RNLS: variants seen among roughly 807,000 people sequenced by gnomAD.
RNLS encodes renalase.
Under a neutral mutation model 39.8 loss-of-function variants are expected in RNLS, and 39 were observed. The ratio of observed to expected loss-of-function variants is 0.98; its 90% confidence interval spans 0.76 to 1.28. The LOEUF (loss-of-function observed/expected upper bound fraction) is 1.28. Ranked by LOEUF, RNLS falls within the 50% of genes most tolerant of loss-of-function variation. RNLS has a pLI of 0.00. For synonymous variants in RNLS, 147 were observed against 150.7 expected (o/e 0.98, Z 0.18); for missense variants, 410 against 413.3 (o/e 0.99, Z 0.07).
At chr10:88,405,085 A>G (rs1853175033) in intron 4 of RNLS, among the ~76,000 whole-genome samples, 6 of 152,032 alleles carry the variant, frequency 3.9e-5, no homozygotes, top group Admixed American at 2.6e-4. Context: ...TTCTCTGGGG[A>G]TCTTTAAGCA....
intron 4 of RNLS, among the ~76,000 whole-genome samples, chr10:88,406,821 A>C (rs993570146): frequency 4.6e-5 from 7 of 152,084 alleles, no homozygotes; most frequent in African/African-American, 1.7e-4. Context: ...CCATCAATCA[A>C]CAAGTGGATA....
At chr10:88,351,937 T>C (rs1848749010) in intron 5 of RNLS, among the ~76,000 whole-genome samples, 1 of 152,204 alleles carries the variant, frequency 6.6e-6, no homozygotes, top group African/African-American at 2.4e-5. Context: ...GTAAGTTGGC[T>C]TCCTAGTATT....
At chr10:88,330,484 A>G (rs1217026766) in intron 5 of RNLS, among the ~76,000 whole-genome samples, 1 of 152,150 alleles carries the variant, frequency 6.6e-6, no homozygotes. Flanking sequence ...GGTTTATAGC[A>G]TATCTTATAA....
rs558597738 is a variant in RNLS at position 88,439,444 on chromosome 10, T to C, written c.527-76719A>G. 2.6e-5 allele frequency among the ~76,000 whole-genome samples: 4 copies of C among 152,328 alleles called. No homozygotes were observed. The South Asian group carries it at 8.3e-4, about 32-fold the overall frequency. ...CCAACAAAGGGACATCCTGCCACTA[T>C]GCTTTTGTTTATTAACTGGTGAAAA... On this transcript the variant is annotated intron_variant, in intron 4 of 6. Coordinates refer to ENST00000331772, the MANE Select transcript of RNLS (RefSeq NM_001031709.3).
At chr10:88,486,901 C>T (rs1313633055) in intron 4 of RNLS, among the ~76,000 whole-genome samples, 1 of 152,080 alleles carries the variant, frequency 6.6e-6, no homozygotes, top group East Asian at 1.9e-4. Flanking sequence ...ACCATAAAGA[C>T]ACATGGACAC....
At position 88,284,538 on chromosome 10, in the gene RNLS, T is replaced by TA; in HGVS notation, c.*815dup. The stretch of plus-strand genomic sequence containing the variant: ...TGGTTCAGTAAATTTTTTGTTGTGT[T>TA]AAATTCATTAAACTCGACACAGTCT... On this transcript the variant is annotated 3_prime_UTR_variant, in exon 7 of 7. Transcript: ENST00000331772. 1.0e-6 allele frequency: 1 copy of TA among 985,376 alleles called. No individual in the cohort carries two copies. The allele number at this position is 985,376 out of a possible 1,614,324, so 61.0% of individuals were successfully genotyped here.
intron 4 of RNLS, among the ~76,000 whole-genome samples, chr10:88,383,946 G>GTTATC (rs986322477): frequency 1.4e-4 from 22 of 152,074 alleles, no homozygotes; most frequent in Non-Finnish European, 3.1e-4. Context: ...TAAGTGAAAT[G>GTTATC]TTATCACTCT....
At chr10:88,205,409 T>A in the RNLS span, among the ~76,000 whole-genome samples, 1 of 152,114 alleles carries the variant, frequency 6.6e-6, no homozygotes, top group Non-Finnish European at 1.5e-5. Flanking sequence ...ACCCTTAAGA[T>A]AATCAACAGA....
At chr10:88,353,095 T>C (rs1248560639) in intron 5 of RNLS, among the ~76,000 whole-genome samples, 2 of 152,356 alleles carry the variant, frequency 1.3e-5, no homozygotes, top group Admixed American at 1.3e-4. Flanking sequence ...CTCTGTTTTC[T>C]TCTTTTTTAG....
chr10:88,570,971 TTTTTTTTTTTTTGGTTTG>T (rs1564910166), intron 4 of RNLS, among the ~76,000 whole-genome samples: 1 of 147,024 alleles, frequency 6.8e-6, no homozygotes, highest in Non-Finnish European at 1.5e-5. Flanking sequence ...TTCTTTTTTT[TTTTTTTTTTTTTGGTTTG>T]TTTTTTTTTT....
chr10:88,270,763 C>T (rs1177491721), downstream of RNLS, among the ~76,000 whole-genome samples: 3 of 152,122 alleles, frequency 2.0e-5, no homozygotes, highest in Non-Finnish European at 4.4e-5. Context: ...ACTAATAGTT[C>T]ACCACCGGAC....
chr10:88,361,410 GAT>G (rs1181250726), intron 5 of RNLS, among the ~76,000 whole-genome samples: 2 of 152,048 alleles, frequency 1.3e-5, no homozygotes, highest in Non-Finnish European at 2.9e-5. Context: ...CATATCTTAT[GAT>G]GAAATATACA....
the RNLS span, among the ~76,000 whole-genome samples, chr10:88,213,799 G>T: frequency 5.9e-5 from 9 of 152,116 alleles, no homozygotes; most frequent in Non-Finnish European, 1.3e-4. Flanking sequence ...TCATTTAACT[G>T]ATCCTAGACT....
the RNLS span, among the ~76,000 whole-genome samples, chr10:88,236,636 C>T: frequency 6.6e-6 from 1 of 152,216 alleles, no homozygotes; most frequent in African/African-American, 2.4e-5. Context: ...TCAGTTTCTT[C>T]ATACATTAAA....
chr10:88,553,280 T>A (rs1233994649), intron 4 of RNLS, among the ~76,000 whole-genome samples: 4 of 152,174 alleles, frequency 2.6e-5, no homozygotes, highest in Non-Finnish European at 5.9e-5. Context: ...TGGGATGCAT[T>A]TGCAATCATC....
chr10:88,319,969 C>T (rs1201071519), intron 5 of RNLS, among the ~76,000 whole-genome samples: 2 of 151,688 alleles, frequency 1.3e-5, no homozygotes, highest in Non-Finnish European at 2.9e-5. Context: ...AGATGATAGT[C>T]ACCAAGGCCT....
intron 4 of RNLS, among the ~76,000 whole-genome samples, chr10:88,479,687 A>G (rs2134012806): frequency 6.6e-6 from 1 of 152,218 alleles, no homozygotes; most frequent in South Asian, 2.1e-4. Context: ...TCCCATTTTC[A>G]GAAAAGTAAC....
chr10:88,201,156 A>G, the RNLS span, among the ~76,000 whole-genome samples: 1 of 152,184 alleles, frequency 6.6e-6, no homozygotes, highest in Non-Finnish European at 1.5e-5. Flanking sequence ...TGGTTGCTTT[A>G]AGATGGTTGC....
chr10:88,261,485 G>C, the RNLS span, among the ~76,000 whole-genome samples: 1 of 152,110 alleles, frequency 6.6e-6, no homozygotes, highest in Non-Finnish European at 1.5e-5. Flanking sequence ...CCAATACAAG[G>C]CTTTAGGATC....
Sources: gnomAD v4.1 joint callset for allele counts (sites outside exome capture counted in the v4.1 genomes callset) on GRCh38, gnomAD v4.1.1 for gene constraint, MANE v1.5 for transcripts, NCBI Gene and HGNC (gene_info 2026-07-23, HGNC 2026-07-21) for gene names.